Variants in MYCBP2 observed in about 807,000 individuals in gnomAD.
The protein encoded by MYCBP2 is E3 ubiquitin-protein ligase MYCBP2.
In MYCBP2, 120 loss-of-function variants were observed where a neutral mutation model predicts 525.3. That is an observed-to-expected ratio of 0.23 (90% confidence interval 0.20 to 0.27). The LOEUF (loss-of-function observed/expected upper bound fraction) is 0.27, where lower values mean the gene tolerates loss of function less well. Among genes scored for constraint, MYCBP2 ranks in the 10% least tolerant of loss-of-function variants. The probability of loss-of-function intolerance (pLI) is 1.00; values close to 1 mark genes in which losing one functional copy is unlikely to be tolerated. For synonymous variants in MYCBP2, 1,894 were observed against 1,955.8 expected, an observed-to-expected ratio of 0.97 and a Z score of 0.83; for missense variants, 4,149 against 5,657.1, an observed-to-expected ratio of 0.73 and a Z score of 8.55.
In MYCBP2 at chr13:77,242,485, A is replaced by T. The variant is rs543972108; in HGVS notation, c.2629+574T>A. Among the ~76,000 whole-genome samples, 4 of 152,298 alleles carry T rather than the reference A, an allele frequency of 2.6e-5. No individual in the cohort carries two copies. The South Asian group carries it at 8.3e-4, about 32-fold the overall frequency. On this transcript the variant is annotated intron_variant, in intron 17 of 82. Coordinates refer to ENST00000544440, the MANE Select transcript of MYCBP2 (RefSeq NM_015057.5). The stretch of plus-strand genomic sequence containing the variant: ...TGAGGAAAAGATAAACAATAGACCT[A>T]TCTTTGCAAATGAAACCTGCAGACC...
At chr13:77,051,714 A>G (rs1039794131) in intron 81 of MYCBP2, 97 bp downstream of exon 81, 1 of 817,024 alleles carries the variant, frequency 1.2e-6, no homozygotes, top group Admixed American at 2.6e-5. Context: ...AATACTGAGG[A>G]GAAAAGCCTG....
At chr13:77,174,214 TTAATTA>T (rs1386150920) in intron 37 of MYCBP2, 91 bp downstream of exon 37, 10 of 1,090,726 alleles carry the variant, frequency 9.2e-6, no homozygotes, top group East Asian at 4.8e-5. Flanking sequence ...ACTGTACAAT[TTAATTA>T]TAAGTATCCA....
intron 61 of MYCBP2, among the ~76,000 whole-genome samples, chr13:77,088,507 T>G (rs1402057666): frequency 6.6e-6 from 1 of 152,122 alleles, no homozygotes; most frequent in Non-Finnish European, 1.5e-5. Flanking sequence ...CTCCTTATCT[T>G]CTTTCCATGA....
intron 55 of MYCBP2, among the ~76,000 whole-genome samples, chr13:77,101,533 C>CA (rs1289136606): frequency 6.6e-6 from 1 of 151,812 alleles, no homozygotes; most frequent in East Asian, 1.9e-4. Context: ...CATATGTGAG[C>CA]AAAAAAGTTT....
At chr13:77,144,692 T>C in intron 48 of MYCBP2, 132 bp from the exon 49 acceptor site, 1 of 666,684 alleles carries the variant, frequency 1.5e-6, no homozygotes. Context: ...ATAGTACGCT[T>C]GCCTACTCTC....
At chr13:77,082,668 C>T (rs373453210) in intron 63 of MYCBP2, among the ~76,000 whole-genome samples, 1 of 152,022 alleles carries the variant, frequency 6.6e-6, no homozygotes, top group Non-Finnish European at 1.5e-5. Context: ...CTGTTTTCCC[C>T]AAGATTCTTT....
chr13:77,203,083 T>C (rs1238473554), intron 26 of MYCBP2, among the ~76,000 whole-genome samples: 1 of 151,762 alleles, frequency 6.6e-6, no homozygotes, highest in African/African-American at 2.4e-5. Flanking sequence ...GGTATTCAAT[T>C]AGGAAAAGAG....
intron 27 of MYCBP2, 84 bp from the exon 28 acceptor site, chr13:77,191,897 A>G: frequency 7.7e-7 from 1 of 1,303,292 alleles, no homozygotes. Context: ...CCTTGTGAAC[A>G]AAAACATGAA....
rs780978044 is a variant in MYCBP2, at chr13:77,270,308, A to G, written c.1176T>C (p.Ser392=). ...GGAATCACATTACCCTAACTGTTCC[A>G]CTGTATCCAGAGCCTATTTTATATA... The part of the protein sequence containing the change: ...DGLYKIGSGY[S]GTVRGHIYNS... Residue 392 remains serine (S), a synonymous_variant, in exon 6 of 83, where the codon AGT becomes AGC. Coordinates refer to ENST00000544440, the MANE Select transcript of MYCBP2 (RefSeq NM_015057.5). The G allele has an allele frequency of 5.7e-5, 92 of 1,611,910 alleles. No individual in the cohort carries two copies. The Admixed American group carries it at 1.5e-3, about 26-fold the overall frequency.
At chr13:77,143,766 C>T (rs1033640726) in intron 49 of MYCBP2, among the ~76,000 whole-genome samples, 2 of 152,106 alleles carry the variant, frequency 1.3e-5, no homozygotes, top group Non-Finnish European at 2.9e-5. Flanking sequence ...TACAGATTAC[C>T]TGGGTTATAT....
At chr13:77,067,909 G>A (rs767087182) in intron 70 of MYCBP2, 45 bp from the exon 71 acceptor site, 16 of 1,519,094 alleles carry the variant, frequency 1.1e-5, no homozygotes, top group Non-Finnish European at 1.3e-5. Context: ...AAAGACTAAT[G>A]TTTTAAGGTT....
Position 77,098,116 on chromosome 13 carries a change from G to A in MYCBP2, c.9038C>T (p.Ser3013Phe), listed in dbSNP as rs61753812. ...KSSFLFKGDG[S>F]KPLEPAKQAM... is the part of the protein sequence containing the mutation. ...TTGCTTGGCTGGCTCTAAAGGCTTG[G>A]ATCCATCTCCTTTGAAAAGAAAACT... The change falls in exon 56 of 83, where the codon TCC (serine) becomes TTC (phenylalanine). Residue 3013 changes from serine (S) to phenylalanine (F), a missense_variant. Around this residue, in one of 21 missense-constraint regions of MYCBP2, gnomAD observed 653 missense variants for 744.7 expected, o/e 0.88. Transcript: ENST00000544440. The A allele has an allele frequency of 6.2e-7, 1 of 1,613,554 alleles. No homozygotes were observed. Among genetic ancestry groups the A allele is most frequent in the Non-Finnish European group, 8.5e-7 (1 of 1,179,762 alleles).
Position 77,058,430 on chromosome 13 carries a change from T to A in MYCBP2, c.13141-24A>T, listed in dbSNP as rs777843723. ...TCCTGTTAAAGATGAATTACAATGTTACACAAGTATGTAAAAAAGCACACA... is the reference window on the plus strand; with the variant it reads ...TCCTGTTAAAGATGAATTACAATGTAACACAAGTATGTAAAAAAGCACACA... On this transcript the variant is annotated intron_variant, in intron 77 of 82. Coordinates refer to ENST00000544440, the MANE Select transcript of MYCBP2 (RefSeq NM_015057.5). The surrounding 1 kb of genome is among the most constrained non-coding windows in gnomAD (Gnocchi z 4.1). The A allele has an allele frequency of 1.3e-6, 2 of 1,531,014 alleles. No individual in the cohort carries two copies. Among genetic ancestry groups the A allele is most frequent in the Non-Finnish European group, 1.8e-6 (2 of 1,136,368 alleles). The allele number at this position is 1,531,014 out of a possible 1,614,324, so 94.8% of individuals were successfully genotyped here. A position where few individuals can be genotyped will look rare whatever the true frequency, so the allele number is the denominator to read the frequency against.
Position 77,261,817 on chromosome 13 carries a change from A to G in MYCBP2, c.1647+236T>C, listed in dbSNP as rs146060379. 1.1e-3 allele frequency among the ~76,000 whole-genome samples: 170 copies of G among 152,208 alleles called. 3 individuals carry two copies. The highest frequency in any genetic ancestry group is 1.9e-3 in the Non-Finnish European group (130 of 67,946). On this transcript the variant is annotated intron_variant, in intron 11 of 82. Coordinates refer to ENST00000544440, the MANE Select transcript of MYCBP2 (RefSeq NM_015057.5). ...CAACTCAGGGTTGTCACAAACCTTC[A>G]ATTTGTAAAAAGAGCAATTATTTGT...
At chr13:77,298,358 A>G (rs1243925948) in intron 1 of MYCBP2, among the ~76,000 whole-genome samples, 1 of 152,168 alleles carries the variant, frequency 6.6e-6, no homozygotes, top group African/African-American at 2.4e-5. Context: ...CATTCATCGT[A>G]TATTTATGTT....
intron 43 of MYCBP2, among the ~76,000 whole-genome samples, chr13:77,163,303 T>C (rs573234484): frequency 6.6e-6 from 1 of 152,274 alleles, no homozygotes; most frequent in South Asian, 2.1e-4. Flanking sequence ...ATTTTCCTCA[T>C]GTGGCTAGAA....
chr13:77,062,535 G>A, intron 74 of MYCBP2, 61 bp downstream of exon 74: 2 of 1,377,318 alleles, frequency 1.5e-6, no homozygotes, highest in Non-Finnish European at 2.1e-6. Context: ...TTGTTTTTAA[G>A]CTAAGCTAAA....
intron 69 of MYCBP2, 57 bp from the exon 70 acceptor site, chr13:77,068,888 C>G: frequency 6.6e-7 from 1 of 1,509,996 alleles, no homozygotes; most frequent in South Asian, 1.2e-5. Context: ...ATTTACTACT[C>G]CTAGCAAAAC....
intron 26 of MYCBP2, among the ~76,000 whole-genome samples, chr13:77,202,982 C>A (rs2062816273): frequency 6.6e-6 from 1 of 151,734 alleles, no homozygotes. Context: ...TGAAAACTGG[C>A]ACAAGACAGG....
Sources: allele counts gnomAD v4.1 joint callset (sites outside exome capture counted in the v4.1 genomes callset), GRCh38; gene constraint gnomAD v4.1.1; regional missense constraint gnomAD v4.1.1; non-coding constraint Gnocchi (gnomAD v3.1); transcripts MANE v1.5; gene names NCBI Gene and HGNC (gene_info 2026-07-23, HGNC 2026-07-21).